Variants in TMEM132B observed in about 807,000 individuals in gnomAD.
TMEM132B encodes the protein transmembrane protein 132B.
A neutral mutation model predicts 90.8 loss-of-function variants in TMEM132B; 18 were observed. The ratio of observed to expected loss-of-function variants is 0.20; its 90% CI spans 0.14 to 0.29. The LOEUF is 0.29. Ranked by LOEUF, TMEM132B falls within the 10% of genes least tolerant of loss-of-function variation. The pLI, the probability that TMEM132B is intolerant of heterozygous loss-of-function variation, is 1.00. For synonymous variants in TMEM132B, 504 were observed against 523.3 expected, an observed-to-expected ratio of 0.96 and a Z score of 0.50; for missense variants, 1,096 against 1,326.8, an observed-to-expected ratio of 0.83 and a Z score of 2.70.
chr12:125,569,703 G>A (rs902651064), intron 4 of TMEM132B, among the ~76,000 whole-genome samples: 9 of 152,040 alleles, frequency 5.9e-5, no homozygotes, highest in Non-Finnish European at 1.3e-4. Flanking sequence ...GGGAAGGAGC[G>A]GGGCACAAGG....
At chr12:125,343,472 A>G (rs1877259061) in intron 1 of TMEM132B, among the ~76,000 whole-genome samples, 1 of 152,192 alleles carries the variant, frequency 6.6e-6, no homozygotes, top group South Asian at 2.1e-4. Flanking sequence ...GCTCCTTCAG[A>G]TGACCTCCAA....
intron 4 of TMEM132B, among the ~76,000 whole-genome samples, chr12:125,562,508 C>T (rs1566074533): frequency 1.3e-5 from 2 of 152,210 alleles, no homozygotes; most frequent in African/African-American, 2.4e-5. Context: ...CCTCATGAAG[C>T]TTAATCATTT....
intron 1 of TMEM132B, among the ~76,000 whole-genome samples, chr12:125,319,176 C>T (rs550646714): frequency 2.6e-5 from 4 of 152,350 alleles, no homozygotes; most frequent in Admixed American, 2.0e-4. Flanking sequence ...GTCCCCATGA[C>T]TACAGCTCCC....
At chr12:125,239,173 A>G (rs1413133140) in intron 1 of TMEM132B, among the ~76,000 whole-genome samples, 2 of 152,024 alleles carry the variant, frequency 1.3e-5, no homozygotes, top group Non-Finnish European at 2.9e-5. Flanking sequence ...AAGAAAGATG[A>G]GATGAAGTCC....
intron 2 of TMEM132B, among the ~76,000 whole-genome samples, chr12:125,394,379 T>G (rs920708190): frequency 6.6e-6 from 1 of 152,204 alleles, no homozygotes; most frequent in Non-Finnish European, 1.5e-5. Context: ...CTTGGGATTT[T>G]GAGCAGACCA....
At chr12:125,336,493 A>C (rs1444562204) in intron 1 of TMEM132B, among the ~76,000 whole-genome samples, 1 of 152,158 alleles carries the variant, frequency 6.6e-6, no homozygotes, top group African/African-American at 2.4e-5. Context: ...CTTAAATTCC[A>C]ATTTTGTTTA....
At chr12:125,635,580 T>C (rs937769415) in intron 5 of TMEM132B, among the ~76,000 whole-genome samples, 1 of 152,220 alleles carries the variant, frequency 6.6e-6, no homozygotes, top group Admixed American at 6.5e-5. Context: ...TTTGCTATTG[T>C]GAACAGTGCC....
intron 5 of TMEM132B, among the ~76,000 whole-genome samples, chr12:125,639,506 C>G (rs748235631): frequency 6.6e-6 from 1 of 152,184 alleles, no homozygotes; most frequent in Non-Finnish European, 1.5e-5. Flanking sequence ...TTAGCAGAGA[C>G]AGCAGGGAAA....
Position 125,203,466 on chromosome 12 carries a change from A to C in TMEM132B, c.67+16600A>C, listed in dbSNP as rs375835379. 2.5e-4 allele frequency among the ~76,000 whole-genome samples: 38 copies of C among 152,342 alleles called. 3 individuals are homozygous for C. The highest frequency in any genetic ancestry group is 2.0e-3 in the Admixed American group (30 of 15,310). ...AAGCAACAGAGCTGATCAGAGGTAGAGCTTACCAATATCTTTAACATTTTA... is the reference window on the plus strand; with the variant it reads ...AAGCAACAGAGCTGATCAGAGGTAGCGCTTACCAATATCTTTAACATTTTA... On this transcript the variant is annotated intron_variant, in intron 1 of 8. Coordinates refer to ENST00000682704, the MANE Select transcript of TMEM132B (RefSeq NM_001366854.1).
intron 4 of TMEM132B, among the ~76,000 whole-genome samples, chr12:125,551,073 G>A (rs1489622314): frequency 1.3e-5 from 2 of 152,232 alleles, no homozygotes; most frequent in East Asian, 1.9e-4. Flanking sequence ...TCGGCCTCCC[G>A]AAGTGTTGGG....
At chr12:125,414,800 C>T (rs950862876) in intron 2 of TMEM132B, among the ~76,000 whole-genome samples, 7 of 152,168 alleles carry the variant, frequency 4.6e-5, no homozygotes, top group Non-Finnish European at 7.3e-5. Flanking sequence ...GGATGTTGTC[C>T]GTGGACTCCC....
intron 4 of TMEM132B, among the ~76,000 whole-genome samples, chr12:125,539,652 A>T (rs1883902632): frequency 6.6e-6 from 1 of 152,236 alleles, no homozygotes; most frequent in Non-Finnish European, 1.5e-5. Flanking sequence ...GCAGTCATTC[A>T]TAATATTCCC....
At chr12:125,600,998 A>G (rs1885556680) in intron 5 of TMEM132B, among the ~76,000 whole-genome samples, 1 of 152,086 alleles carries the variant, frequency 6.6e-6, no homozygotes, top group African/African-American at 2.4e-5. Context: ...AGAGATTTAG[A>G]CTCCCACACA....
At chr12:125,194,467 C>T (rs79050480) in intron 1 of TMEM132B, among the ~76,000 whole-genome samples, 1,590 of 152,268 alleles carry the variant, frequency 0.01, 25 homozygotes, top group African/African-American at 0.037. Flanking sequence ...GTGACTCCCC[C>T]GGGCCTTCCA....
chr12:125,627,920 C>A (rs1302045686), intron 5 of TMEM132B, among the ~76,000 whole-genome samples: 1 of 152,162 alleles, frequency 6.6e-6, no homozygotes, highest in South Asian at 2.1e-4. Context: ...CAATGTTTGT[C>A]TTTCTGTGCC....
intron 1 of TMEM132B, among the ~76,000 whole-genome samples, chr12:125,228,804 T>C (rs1399942974): frequency 6.6e-6 from 1 of 152,200 alleles, no homozygotes; most frequent in Non-Finnish European, 1.5e-5. Context: ...CAAACCGATG[T>C]ATCAATCACT....
At chr12:125,416,973 C>T (rs1007238656) in intron 3 of TMEM132B, among the ~76,000 whole-genome samples, 37 of 152,274 alleles carry the variant, frequency 2.4e-4, no homozygotes, top group African/African-American at 8.2e-4. Context: ...AGAATATTTA[C>T]CTCAAAGTGG....
rs1215153982 is a variant in TMEM132B at position 125,492,433 on chromosome 12, A to T, written c.1107-27006A>T. On this transcript the variant is annotated intron_variant, in intron 3 of 8. Coordinates refer to ENST00000682704, the MANE Select transcript of TMEM132B (RefSeq NM_001366854.1). This position sits in a 1 kb window ranked among gnomAD's most constrained non-coding sequence, Gnocchi z 5.8. ...TGAAACCTGAGGGTAAGGGAAGGGG[A>T]CTGCACGGCTGCTTTGCAGGGGCCC... Among the ~76,000 whole-genome samples the T allele has an allele frequency of 6.6e-6, 1 of 152,122 alleles. No homozygotes were observed. Among genetic ancestry groups the T allele is most frequent in the African/African-American group, 2.4e-5 (1 of 41,428 alleles).
intron 3 of TMEM132B, among the ~76,000 whole-genome samples, chr12:125,512,783 A>G (rs895849374): frequency 2.6e-5 from 4 of 152,190 alleles, no homozygotes; most frequent in African/African-American, 7.2e-5. Context: ...CCTGGATCCT[A>G]TGAAACTGCA....
Sources: gnomAD v4.1 joint callset for allele counts (sites outside exome capture counted in the v4.1 genomes callset) on GRCh38, gnomAD v4.1.1 for gene constraint, Gnocchi (gnomAD v3.1) non-coding constraint, MANE v1.5 for transcripts, NCBI Gene and HGNC (gene_info 2026-07-23, HGNC 2026-07-21) for gene names.